Variants in MCC observed in about 807,000 individuals in gnomAD.
MCC encodes colorectal mutant cancer protein.
In MCC, 90 loss-of-function variants were observed where a neutral mutation model predicts 116.2. That is an observed-to-expected ratio of 0.77 (90% CI 0.65 to 0.92). The LOEUF (loss-of-function observed/expected upper bound fraction) is 0.92. MCC is among the 40% of genes least tolerant of loss of function. MCC has a pLI of 0.00. For synonymous variants in MCC, 578 were observed against 510.5 expected, an observed-to-expected ratio of 1.13 and a Z score of -1.78; for missense variants, 1,516 against 1,312.2, an observed-to-expected ratio of 1.16 and a Z score of -2.40.
At chr5:113,186,670 A>G (rs1032292322) in intron 3 of MCC, among the ~76,000 whole-genome samples, 1 of 152,200 alleles carries the variant, frequency 6.6e-6, no homozygotes, top group Non-Finnish European at 1.5e-5. Flanking sequence ...CAAAACACAT[A>G]CTAGAGAAAA....
At chr5:113,431,795 G>A (rs913060090) in intron 1 of MCC, among the ~76,000 whole-genome samples, 2 of 137,672 alleles carry the variant, frequency 1.5e-5, no homozygotes, top group Admixed American at 7.7e-5. Flanking sequence ...GAGGTCAAGA[G>A]TTCAAGACCA....
At chr5:113,323,815 G>A (rs796964094) in intron 3 of MCC, among the ~76,000 whole-genome samples, 2 of 152,158 alleles carry the variant, frequency 1.3e-5, no homozygotes, top group South Asian at 4.1e-4. Flanking sequence ...AAGCCCAGGA[G>A]TTCTAGGTTG....
intron 6 of MCC, among the ~76,000 whole-genome samples, chr5:113,114,191 G>A (rs1436078519): frequency 6.6e-6 from 1 of 152,110 alleles, no homozygotes; most frequent in Non-Finnish European, 1.5e-5. Context: ...GGTTTATGGA[G>A]GTTTGTTTTA....
intron 17 of MCC, among the ~76,000 whole-genome samples, chr5:113,038,573 G>A (rs921311750): frequency 3.3e-5 from 5 of 152,152 alleles, no homozygotes; most frequent in Admixed American, 6.5e-5. Context: ...ACAGATAGCT[G>A]TAAGTCACCT....
At chr5:113,164,772 G>A (rs1216659821) in intron 3 of MCC, among the ~76,000 whole-genome samples, 1 of 152,178 alleles carries the variant, frequency 6.6e-6, no homozygotes, top group African/African-American at 2.4e-5. Flanking sequence ...GTGGGCTAAG[G>A]GAGAGAGCCT....
chr5:113,197,885 C>A (rs1762490074), intron 3 of MCC, among the ~76,000 whole-genome samples: 1 of 152,192 alleles, frequency 6.6e-6, no homozygotes, highest in Non-Finnish European at 1.5e-5. Context: ...TTCCGTAAAC[C>A]CAGGCAGGAG....
intron 1 of MCC, among the ~76,000 whole-genome samples, chr5:113,452,183 T>C (rs1449793283): frequency 1.3e-5 from 2 of 152,178 alleles, no homozygotes; most frequent in Non-Finnish European, 2.9e-5. Flanking sequence ...ACACCATCAC[T>C]TCCACTGCCT....
chr5:113,281,286 A>G (rs374681874), intron 3 of MCC, among the ~76,000 whole-genome samples: 21 of 152,212 alleles, frequency 1.4e-4, no homozygotes, highest in East Asian at 9.6e-4. Context: ...AGTAATTCAC[A>G]AAGTGTGCAT....
intron 1 of MCC, among the ~76,000 whole-genome samples, chr5:113,392,027 T>C (rs1457806019): frequency 6.6e-6 from 1 of 152,152 alleles, no homozygotes; most frequent in Non-Finnish European, 1.5e-5. Context: ...TGTATTTAGA[T>C]AAAGAATTCC....
rs1387950651 is a variant in MCC, at chr5:113,023,584, C to T, written c.*3718G>A. ...TTACAGAAGTCTCTTACTATTTTGG[C>T]TCTCAAAATACTCTAACTAGTAGCT... On this transcript the variant is annotated 3_prime_UTR_variant, in exon 19 of 19. Coordinates refer to ENST00000408903, the MANE Select transcript of MCC (RefSeq NM_001085377.2). The T allele has an allele frequency of 6.6e-6, 1 of 152,204 alleles. No homozygotes were observed. Among genetic ancestry groups the T allele is most frequent in the African/African-American group, 2.4e-5 (1 of 41,438 alleles). The allele number at this position is 152,204 out of a possible 1,614,324, so 9.4% of individuals were successfully genotyped here.
chr5:113,308,942 A>G (rs1256268265), intron 3 of MCC, among the ~76,000 whole-genome samples: 3 of 152,246 alleles, frequency 2.0e-5, no homozygotes, highest in African/African-American at 4.8e-5. Context: ...CAAGGTTTCT[A>G]AAATCTTCCT....
At position 113,333,838 on chromosome 5, in the gene MCC, T is replaced by TATATGTACATATATGTAC. The variant is rs1554076897; in HGVS notation, c.627+6680_627+6681insGTACATATATGTACATAT. Among the ~76,000 whole-genome samples, 2 of 28,832 alleles carry TATATGTACATATATGTAC rather than the reference T, an allele frequency of 6.9e-5. 1 individual carries two copies. The highest frequency in any genetic ancestry group is 2.1e-4 in the Non-Finnish European group (2 of 9,390). The allele number at this position is 28,832 out of a possible 152,430, so 18.9% of individuals were successfully genotyped here. On this transcript the variant is annotated intron_variant, in intron 3 of 18. Transcript: ENST00000408903. ...ATATGTACATATATGTATATATGTA[T>TATATGTACATATATGTAC]ATATGTATATATGTACATATATGTA...
intron 3 of MCC, among the ~76,000 whole-genome samples, chr5:113,175,494 C>T (rs1761286570): frequency 6.6e-6 from 1 of 152,128 alleles, no homozygotes; most frequent in African/African-American, 2.4e-5. Context: ...GCACATTTGA[C>T]AGGGAAAATG....
chr5:113,218,961 T>C (rs897836968), intron 3 of MCC, among the ~76,000 whole-genome samples: 11 of 152,162 alleles, frequency 7.2e-5, no homozygotes, highest in African/African-American at 9.7e-5. Context: ...GAAATCCGTG[T>C]TTTGTTTTGG....
chr5:113,155,332 G>T (rs1425731316), intron 3 of MCC, among the ~76,000 whole-genome samples: 21 of 152,184 alleles, frequency 1.4e-4, no homozygotes, highest in Admixed American at 1.4e-3. Flanking sequence ...TGTAAACAGT[G>T]CTGCGATAAA....
At chr5:113,044,386 A>C in intron 16 of MCC, 3 of 578,436 alleles carry the variant, frequency 5.2e-6, no homozygotes, top group Non-Finnish European at 4.4e-6. Flanking sequence ...AAGACTATTC[A>C]AAGCAGTGAC....
Position 113,330,671 on chromosome 5 carries a change from C to T in MCC, c.627+9848G>A, listed in dbSNP as rs1017538889. Among the ~76,000 whole-genome samples the T allele has an allele frequency of 3.9e-5, 6 of 152,168 alleles. 1 individual carries two copies. The highest frequency in any genetic ancestry group is 3.9e-4 in the Admixed American group (6 of 15,280). On this transcript the variant is annotated intron_variant, in intron 3 of 18. Transcript: ENST00000408903. Reference sequence around the variant, plus strand: ...GTGACGAAAACCCCTCTTCCCCTCCCCTACACAAAAGGAAAGGCAAAGAAA... The same window carrying T: ...GTGACGAAAACCCCTCTTCCCCTCCTCTACACAAAAGGAAAGGCAAAGAAA...
intron 3 of MCC, among the ~76,000 whole-genome samples, chr5:113,315,704 C>CA (rs35274366): frequency 0.012 from 741 of 64,366 alleles, 6 homozygotes; most frequent in South Asian, 0.02. Flanking sequence ...CCCATCTCTA[C>CA]AAAAAAAAAA....
At chr5:113,068,689 C>T (rs1753802236) in intron 12 of MCC, among the ~76,000 whole-genome samples, 2 of 152,242 alleles carry the variant, frequency 1.3e-5, no homozygotes, top group Admixed American at 6.5e-5. Flanking sequence ...CCGGAGCAGG[C>T]CAGCTGTCGT....
Sources: allele counts gnomAD v4.1 joint callset (sites outside exome capture counted in the v4.1 genomes callset), GRCh38; gene constraint gnomAD v4.1.1; transcripts MANE v1.5; gene names NCBI Gene and HGNC (gene_info 2026-07-23, HGNC 2026-07-21).